The following NOP9 variants were observed in gnomAD, a reference collection of about 807,000 sequenced individuals.
NOP9 encodes the protein NOP9 nucleolar protein.
In NOP9, 50 loss-of-function variants were observed where a neutral mutation model predicts 63.0. The ratio of observed to expected loss-of-function variants is 0.79; its 90% CI spans 0.63 to 1.00. NOP9 has a LOEUF of 1.00. NOP9 is among the 50% of genes least tolerant of loss of function. The pLI is 0.00. For synonymous variants in NOP9, 343 were observed against 332.8 expected, an observed-to-expected ratio of 1.03 and a Z score of -0.33; for missense variants, 758 against 803.0, an observed-to-expected ratio of 0.94 and a Z score of 0.68.
chr14:24,303,512 GT>G (rs1461660128), intron 6 of NOP9, among the ~76,000 whole-genome samples: 10 of 151,808 alleles, frequency 6.6e-5, no homozygotes, highest in Admixed American at 6.6e-4. Flanking sequence ...AACAAAAATT[GT>G]CTCCCAGAAC....
chr14:24,281,179 A>G, the NOP9 span, among the ~76,000 whole-genome samples: 1 of 152,134 alleles, frequency 6.6e-6, no homozygotes, highest in Non-Finnish European at 1.5e-5. Context: ...CCCTGTTGGG[A>G]AATTCTCTCT....
intron 3 of NOP9, 93 bp downstream of exon 3, chr14:24,301,815 C>G: frequency 6.7e-7 from 1 of 1,500,126 alleles, no homozygotes; most frequent in South Asian, 1.1e-5. Flanking sequence ...TATTCCTCTT[C>G]TTTTCAAACC....
the NOP9 span, among the ~76,000 whole-genome samples, chr14:24,290,297 T>C: frequency 6.6e-6 from 1 of 152,256 alleles, no homozygotes; most frequent in South Asian, 2.1e-4. Flanking sequence ...TTTGCTGGAC[T>C]GGGCCTCAGC....
At chr14:24,295,389 T>C (rs1273606847), upstream of NOP9, among the ~76,000 whole-genome samples, 1 of 152,160 alleles carries the variant, frequency 6.6e-6, no homozygotes, top group Non-Finnish European at 1.5e-5. Context: ...ATTAGGACCT[T>C]CCAAATGAAA....
chr14:24,286,157 CTG>C, the NOP9 span, among the ~76,000 whole-genome samples: 2 of 152,230 alleles, frequency 1.3e-5, no homozygotes, highest in South Asian at 4.1e-4. Flanking sequence ...GTCTGGCACA[CTG>C]GCTTCTCCTT....
chr14:24,296,902 T>C (rs1260650520), upstream of NOP9: 1 of 1,614,028 alleles, frequency 6.2e-7, no homozygotes, highest in Non-Finnish European at 8.5e-7. Context: ...ACAGGGGATA[T>C]GAGCTCACAT....
At chr14:24,299,158 G>A (rs779067737), upstream of NOP9, 20 of 1,577,910 alleles carry the variant, frequency 1.3e-5, 1 homozygote, top group African/African-American at 1.5e-4. Context: ...TACTCTGAGG[G>A]AAGCCTGGAG....
chr14:24,290,884 A>G, the NOP9 span: 18 of 1,613,748 alleles, frequency 1.1e-5, no homozygotes, highest in African/African-American at 2.3e-4. Context: ...GTAGAGGGCA[A>G]TAATCCACTT....
Position 24,307,933 on chromosome 14 carries a change from T to C in NOP9, c.*2838T>C, listed in dbSNP as rs2041571536. 2.1e-5 allele frequency: 28 copies of C among 1,340,164 alleles called. No individual in the cohort carries two copies. The Middle Eastern group carries it at 9.0e-4, about 43-fold the overall frequency. The allele number at this position is 1,340,164 out of a possible 1,614,324, so 83.0% of individuals were successfully genotyped here. ...TCCTGTGCTGGGGCTTTAGTGGTGT[T>C]TTCTGTTACAAACCTGGGATCTCAG... is the stretch of plus-strand genomic sequence containing the variant. On this transcript the variant is annotated 3_prime_UTR_variant, in exon 10 of 10. Transcript: ENST00000267425.
At chr14:24,292,154 C>T in the NOP9 span, 1 of 1,613,908 alleles carries the variant, frequency 6.2e-7, no homozygotes, top group Non-Finnish European at 8.5e-7. Context: ...CTCCCCTGTT[C>T]TCTGCTTCCT....
rs192460331 is a variant in NOP9, at chr14:24,308,002, C to A, written c.*2907C>A. 54 of 743,304 alleles carry A rather than the reference C, an allele frequency of 7.3e-5. No individual in the cohort carries two copies. The highest frequency in any genetic ancestry group is 5.5e-4 in the South Asian group (34 of 61,764). The allele number at this position is 743,304 out of a possible 1,614,324, so 46.0% of individuals were successfully genotyped here. A position where few individuals can be genotyped will look rare whatever the true frequency, so the allele number is the denominator to read the frequency against. ...TGAGTCAAGCCTGGACTCTGGCCCCCCTGCCTGGCCAGTAAGAAGGGCAAA... is the reference window on the plus strand; with the variant it reads ...TGAGTCAAGCCTGGACTCTGGCCCCACTGCCTGGCCAGTAAGAAGGGCAAA... On this transcript the variant is annotated 3_prime_UTR_variant, in exon 10 of 10. Coordinates refer to ENST00000267425, the MANE Select transcript of NOP9 (RefSeq NM_174913.3).
At chr14:24,303,982 G>C in intron 7 of NOP9, 59 bp from the exon 8 acceptor site, 1 of 1,580,480 alleles carries the variant, frequency 6.3e-7, no homozygotes, top group Non-Finnish European at 8.7e-7. Context: ...GTGTTCTGGG[G>C]ATGGGCTCAT....
the NOP9 span, among the ~76,000 whole-genome samples, chr14:24,279,706 A>G: frequency 2.6e-5 from 4 of 152,198 alleles, no homozygotes; most frequent in African/African-American, 9.7e-5. Flanking sequence ...TGGTGATGAT[A>G]ATGACATGTT....
the NOP9 span, among the ~76,000 whole-genome samples, chr14:24,289,514 G>A: frequency 6.6e-6 from 1 of 152,186 alleles, no homozygotes; most frequent in African/African-American, 2.4e-5. Flanking sequence ...AACTGCCTGT[G>A]CTCCTCATCA....
the NOP9 span, among the ~76,000 whole-genome samples, chr14:24,273,143 AACTC>A: frequency 6.6e-6 from 1 of 151,546 alleles, no homozygotes; most frequent in Non-Finnish European, 1.5e-5. Context: ...GTGTGTTTAT[AACTC>A]ACACCTGGGT....
chr14:24,301,504 C>A (rs1030529044), intron 2 of NOP9, 108 bp from the exon 3 acceptor site: 1 of 1,341,280 alleles, frequency 7.5e-7, no homozygotes, highest in East Asian at 2.4e-5. Context: ...AGTTGTACTA[C>A]ATCTGTTCTG....
chr14:24,306,426 T>G lies in NOP9; in HGVS notation c.*1331T>G. On this transcript the variant is annotated 3_prime_UTR_variant, in exon 10 of 10. Transcript: ENST00000267425. ...CTGCAACACCATCAGGCACGTGTCA[T>G]CCTCCAGCAGCTGGAAGAAGTCCTC... 6.2e-7 allele frequency: 1 copy of G among 1,614,222 alleles called. No homozygotes were observed. The highest frequency in any genetic ancestry group is 8.5e-7 in the Non-Finnish European group (1 of 1,180,040).
Position 24,306,724 on chromosome 14 carries a change from T to G in NOP9, c.*1629T>G. ...CCTAGCTAGAGGCTGACCTTTTTCC[T>G]CTTTGCTCCTACCATGTCATTGGCA... On this transcript the variant is annotated 3_prime_UTR_variant, in exon 10 of 10. Transcript: ENST00000267425. 3 of 610,872 alleles carry G rather than the reference T, an allele frequency of 4.9e-6. No homozygotes were observed. Among genetic ancestry groups the G allele is most frequent in the Non-Finnish European group, 8.5e-6 (3 of 351,404 alleles). 37.8% of individuals were successfully genotyped at this position (610,872 alleles called of 1,614,324 possible). A position where few individuals can be genotyped will look rare whatever the true frequency, so the allele number is the denominator to read the frequency against.
At chr14:24,299,801 C>A, upstream of NOP9, 1 of 1,017,082 alleles carries the variant, frequency 9.8e-7, no homozygotes, top group South Asian at 1.8e-5. Context: ...CCCACCCCGC[C>A]CGGCTGGGGC....
Sources: gnomAD v4.1 joint callset for allele counts (sites outside exome capture counted in the v4.1 genomes callset) on GRCh38, gnomAD v4.1.1 for gene constraint, MANE v1.5 for transcripts, NCBI Gene and HGNC (gene_info 2026-07-23, HGNC 2026-07-21) for gene names.